WWOX: variants seen among roughly 807,000 people sequenced by gnomAD.
WWOX encodes the protein WW domain-containing oxidoreductase.
A neutral mutation model predicts 46.2 loss-of-function variants in WWOX; 69 were observed. That is an observed-to-expected ratio of 1.49 (90% confidence interval 1.23 to 1.82). The LOEUF is 1.82. Ranked by LOEUF, WWOX falls within the 40% of genes most tolerant of loss-of-function variation. WWOX has a pLI of 0.00. For synonymous variants in WWOX, 359 were observed against 202.6 expected, an observed-to-expected ratio of 1.77 and a Z score of -6.56; for missense variants, 919 against 542.6, an observed-to-expected ratio of 1.69 and a Z score of -6.89.
At chr16:79,178,578 A>G (rs778341364) in intron 8 of WWOX, among the ~76,000 whole-genome samples, 19 of 152,076 alleles carry the variant, frequency 1.2e-4, no homozygotes, top group Admixed American at 3.9e-4. Context: ...CGACCTCTCA[A>G]AGTGCTAGAA....
chr16:78,602,430 C>A (rs1256099280), intron 8 of WWOX, among the ~76,000 whole-genome samples: 2 of 152,102 alleles, frequency 1.3e-5, no homozygotes, highest in Non-Finnish European at 1.5e-5. Flanking sequence ...GACGGGGTTT[C>A]ACTATATTGG....
chr16:79,084,846 C>A (rs1047948586), intron 8 of WWOX, among the ~76,000 whole-genome samples: 1 of 152,174 alleles, frequency 6.6e-6, no homozygotes, highest in Admixed American at 6.5e-5. Context: ...TTTACTGATT[C>A]AACCTTTCAT....
intron 8 of WWOX, among the ~76,000 whole-genome samples, chr16:78,441,661 T>G (rs1356556630): frequency 6.6e-6 from 1 of 152,080 alleles, no homozygotes; most frequent in East Asian, 1.9e-4. Flanking sequence ...CCATTCTAAC[T>G]CTTGGGCAAG....
At chr16:79,061,602 A>T (rs1213040596) in intron 8 of WWOX, among the ~76,000 whole-genome samples, 2 of 152,216 alleles carry the variant, frequency 1.3e-5, no homozygotes, top group South Asian at 2.1e-4. Context: ...GAACAGATCC[A>T]TTTTAAGGCT....
intron 1 of WWOX, among the ~76,000 whole-genome samples, chr16:78,104,690 A>G (rs754817261): frequency 6.6e-6 from 1 of 152,224 alleles, no homozygotes; most frequent in Non-Finnish European, 1.5e-5. Context: ...GAGAATGCTT[A>G]GGGGACATGT....
chr16:78,446,003 C>T (rs971183620), intron 8 of WWOX, among the ~76,000 whole-genome samples: 3 of 152,086 alleles, frequency 2.0e-5, no homozygotes, highest in South Asian at 4.1e-4. Flanking sequence ...TAGTCAAATG[C>T]GTAGCTGGCT....
chr16:78,306,960 A>C (rs4313817), intron 5 of WWOX, among the ~76,000 whole-genome samples: 25,422 of 152,086 alleles, frequency 0.17, 2,337 homozygotes, highest in East Asian at 0.27. Context: ...TATCTGTTTC[A>C]TAACCCATTT....
At chr16:78,466,655 C>A (rs1597125176) in intron 8 of WWOX, among the ~76,000 whole-genome samples, 1 of 152,026 alleles carries the variant, frequency 6.6e-6, no homozygotes, top group Non-Finnish European at 1.5e-5. Flanking sequence ...CATGGTGAAA[C>A]CCTGTCTCTA....
chr16:78,252,472 C>G (rs1048193028), intron 5 of WWOX, among the ~76,000 whole-genome samples: 2 of 152,172 alleles, frequency 1.3e-5, no homozygotes, highest in Admixed American at 1.3e-4. Context: ...ACCACCTGAA[C>G]AAAAATCCCT....
At chr16:78,794,006 C>G (rs1413942580) in intron 8 of WWOX, among the ~76,000 whole-genome samples, 1 of 152,112 alleles carries the variant, frequency 6.6e-6, no homozygotes, top group Non-Finnish European at 1.5e-5. Context: ...GTAACACAGG[C>G]TTTGGGTTAC....
chr16:78,598,266 C>T (rs1354509674), intron 8 of WWOX, among the ~76,000 whole-genome samples: 2 of 152,076 alleles, frequency 1.3e-5, no homozygotes, highest in East Asian at 1.9e-4. Context: ...CAGTTAAAAC[C>T]ACATTGTGCT....
chr16:78,339,503 C>G lies in WWOX; in HGVS notation c.517-47357C>G, dbSNP rs926759865. ...CCCTCACATTGTATCCTGGAAAGTT[C>G]ATTTACCTGTACCCGGAGTTGGAAC... On this transcript the variant is annotated intron_variant, in intron 5 of 8. Transcript: ENST00000566780. Among the ~76,000 whole-genome samples, 6 of 119,570 alleles carry G rather than the reference C, an allele frequency of 5.0e-5. 2 individuals carry two copies. Among genetic ancestry groups the G allele is most frequent in the Admixed American group, 3.3e-4 (4 of 12,186 alleles). 78.4% of individuals were successfully genotyped at this position (119,570 alleles called of 152,430 possible). A position where few individuals can be genotyped will look rare whatever the true frequency, so the allele number is the denominator to read the frequency against.
chr16:78,934,363 G>A (rs1311741821), intron 8 of WWOX, among the ~76,000 whole-genome samples: 3 of 105,716 alleles, frequency 2.8e-5, no homozygotes, highest in South Asian at 2.8e-4. Flanking sequence ...AAGAAACTTA[G>A]CCAGGTGTGG....
At chr16:78,432,357 A>T in intron 7 of WWOX, 131 bp from the exon 8 acceptor site, 1 of 1,251,382 alleles carries the variant, frequency 8.0e-7, no homozygotes, top group South Asian at 1.3e-5. Flanking sequence ...CCACTCGTCT[A>T]AGACTCCCAA....
Position 78,619,645 on chromosome 16 carries a change from C to G in WWOX, c.1056+186893C>G, listed in dbSNP as rs541050862. Among the ~76,000 whole-genome samples the G allele has an allele frequency of 6.4e-4, 97 of 151,998 alleles. 1 individual carries two copies. Among genetic ancestry groups the G allele is most frequent in the Non-Finnish European group, 1.1e-3 (73 of 67,988 alleles). On this transcript the variant is annotated intron_variant, in intron 8 of 8. Transcript: ENST00000566780. ...GTGAATTGGGCGTGGTGGCTCATGT[C>G]TGTAAAGCCAGCACTTCGGGAGTCC...
chr16:78,651,765 C>G (rs1014252794), intron 8 of WWOX, among the ~76,000 whole-genome samples: 1 of 152,162 alleles, frequency 6.6e-6, no homozygotes, highest in Non-Finnish European at 1.5e-5. Context: ...TTCGTATCAA[C>G]TTATGCTTTG....
At chr16:79,185,873 A>C (rs1052553125) in intron 8 of WWOX, among the ~76,000 whole-genome samples, 2 of 152,120 alleles carry the variant, frequency 1.3e-5, no homozygotes, top group Non-Finnish European at 2.9e-5. Flanking sequence ...AGATAAATTT[A>C]GTGCTCAGAT....
In WWOX at chr16:78,195,821, C is replaced by CAAA. The variant is rs148609646; in HGVS notation, c.516+31549_516+31551dup. On this transcript the variant is annotated intron_variant, in intron 5 of 8. Coordinates refer to ENST00000566780, the MANE Select transcript of WWOX (RefSeq NM_016373.4). ...TGGGTGACAGAGCAAGACTCTGCCT[C>CAAA]AAAAAAAAAAAAAAAAAAAGAAAAA... Among the ~76,000 whole-genome samples the CAAA allele has an allele frequency of 2.9e-3, 222 of 75,884 alleles. 4 individuals are homozygous for CAAA. Among genetic ancestry groups the CAAA allele is most frequent in the Non-Finnish European group, 3.5e-3 (144 of 41,000 alleles). 49.8% of individuals were successfully genotyped at this position (75,884 alleles called of 152,430 possible).
At chr16:78,622,191 T>C (rs1050454069) in intron 8 of WWOX, among the ~76,000 whole-genome samples, 9 of 152,160 alleles carry the variant, frequency 5.9e-5, no homozygotes, top group Non-Finnish European at 1.3e-4. Flanking sequence ...CATTCTTCTC[T>C]CCTGCACCAA....
Sources: allele counts gnomAD v4.1 joint callset (sites outside exome capture counted in the v4.1 genomes callset), GRCh38; gene constraint gnomAD v4.1.1; transcripts MANE v1.5; gene names NCBI Gene and HGNC (gene_info 2026-07-23, HGNC 2026-07-21).